Variants in TAMM41 observed in about 807,000 individuals in gnomAD.
TAMM41 encodes the protein phosphatidate cytidylyltransferase, mitochondrial.
A neutral mutation model predicts 44.1 loss-of-function variants in TAMM41; 36 were observed. The ratio of observed to expected loss-of-function variants is 0.82; its 90% confidence interval spans 0.63 to 1.08. TAMM41 has a LOEUF of 1.08. Among genes scored for constraint, TAMM41 ranks in the 50% least tolerant of loss-of-function variants. The pLI is 0.00. For synonymous variants in TAMM41, 164 were observed against 153.1 expected, an observed-to-expected ratio of 1.07 and a Z score of -0.53; for missense variants, 417 against 404.3, an observed-to-expected ratio of 1.03 and a Z score of -0.27.
At chr3:11,785,637 CAG>C (rs1239767320), downstream of TAMM41, among the ~76,000 whole-genome samples, 4 of 149,968 alleles carry the variant, frequency 2.7e-5, no homozygotes, top group Admixed American at 6.6e-5. Flanking sequence ...TTTTTTCAGT[CAG>C]AGTCTCGCTC....
At chr3:11,818,322 T>C (rs540325412) in intron 4 of TAMM41, among the ~76,000 whole-genome samples, 100 of 152,286 alleles carry the variant, frequency 6.6e-4, no homozygotes, top group African/African-American at 2.3e-3. Context: ...CTATAAATAA[T>C]CACACTACGA....
chr3:11,734,984 G>A, the TAMM41 span, among the ~76,000 whole-genome samples: 53 of 151,250 alleles, frequency 3.5e-4, no homozygotes, highest in African/African-American at 1.1e-3. Context: ...GGGAGGCGGA[G>A]CTTGCAGTGA....
chr3:11,756,721 T>C, the TAMM41 span, among the ~76,000 whole-genome samples: 1 of 151,976 alleles, frequency 6.6e-6, no homozygotes, highest in African/African-American at 2.4e-5. Flanking sequence ...CAAAATTAGC[T>C]GGGCGTGGTG....
At chr3:11,838,010 G>A (rs1381166142) in intron 3 of TAMM41, among the ~76,000 whole-genome samples, 2 of 152,128 alleles carry the variant, frequency 1.3e-5, no homozygotes, top group Admixed American at 6.5e-5. Flanking sequence ...AACTGAATTC[G>A]ATTCTGACCC....
intron 7 of TAMM41, among the ~76,000 whole-genome samples, chr3:11,795,749 C>T (rs2077589941): frequency 6.6e-6 from 1 of 152,162 alleles, no homozygotes; most frequent in South Asian, 2.1e-4. Flanking sequence ...CAGACAGTTC[C>T]CCTTCTCTCC....
the TAMM41 span, among the ~76,000 whole-genome samples, chr3:11,776,761 G>T: frequency 6.6e-6 from 1 of 152,238 alleles, no homozygotes; most frequent in Non-Finnish European, 1.5e-5. Flanking sequence ...ACTTTACGAT[G>T]AATTGATGGG....
At chr3:11,771,117 A>G in the TAMM41 span, 1 of 152,540 alleles carries the variant, frequency 6.6e-6, no homozygotes, top group Admixed American at 6.5e-5. Context: ...TCAGGCAGCA[A>G]CAGGCACGCC....
chr3:11,779,694 T>C, the TAMM41 span, among the ~76,000 whole-genome samples: 1 of 152,208 alleles, frequency 6.6e-6, no homozygotes, highest in Non-Finnish European at 1.5e-5. Flanking sequence ...TTCACTCCCA[T>C]GGTGTCTTTA....
At chr3:11,723,317 T>C in the TAMM41 span, among the ~76,000 whole-genome samples, 1 of 151,956 alleles carries the variant, frequency 6.6e-6, no homozygotes, top group East Asian at 1.9e-4. Context: ...CAGTGGCTTA[T>C]GCCTGTATTC....
chr3:11,809,325 T>C (rs2078016057), intron 6 of TAMM41, 192 bp downstream of exon 6: 1 of 612,000 alleles, frequency 1.6e-6, no homozygotes, highest in African/African-American at 1.9e-5. Context: ...ACAGAAGTAT[T>C]TTCACCATCT....
the TAMM41 span, among the ~76,000 whole-genome samples, chr3:11,765,012 C>A: frequency 6.6e-6 from 1 of 152,192 alleles, no homozygotes; most frequent in Non-Finnish European, 1.5e-5. Context: ...GCTGACCTCA[C>A]GATACAAACC....
chr3:11,803,412 A>G (rs888167829), intron 7 of TAMM41, among the ~76,000 whole-genome samples: 5 of 152,148 alleles, frequency 3.3e-5, no homozygotes, highest in African/African-American at 1.2e-4. Flanking sequence ...AAAAAACAAA[A>G]AACAGATGTT....
the TAMM41 span, among the ~76,000 whole-genome samples, chr3:11,761,275 A>T: frequency 3.0e-4 from 46 of 151,834 alleles, no homozygotes; most frequent in African/African-American, 1.1e-3. Flanking sequence ...TCTTATTATC[A>T]TTGATTTTCC....
At chr3:11,780,983 C>A in the TAMM41 span, among the ~76,000 whole-genome samples, 1 of 152,186 alleles carries the variant, frequency 6.6e-6, no homozygotes, top group Non-Finnish European at 1.5e-5. Context: ...TGTAAGCTTA[C>A]TGAGGCAGCA....
the TAMM41 span, among the ~76,000 whole-genome samples, chr3:11,728,345 T>C: frequency 6.6e-6 from 1 of 152,214 alleles, no homozygotes; most frequent in Non-Finnish European, 1.5e-5. Context: ...TAGTGGGTAC[T>C]CAGTTCAAAC....
chr3:11,773,289 A>G, the TAMM41 span, among the ~76,000 whole-genome samples: 1 of 150,010 alleles, frequency 6.7e-6, no homozygotes, highest in South Asian at 2.1e-4. Context: ...AAAGCCCCCA[A>G]GTATTGCTTA....
chr3:11,809,277 C>T (rs2078014501), intron 6 of TAMM41: 2 of 507,560 alleles, frequency 3.9e-6, no homozygotes, highest in Non-Finnish European at 3.4e-6. Flanking sequence ...AACATTGTTT[C>T]TCCCTTTGAC....
At chr3:11,754,898 C>T in the TAMM41 span, among the ~76,000 whole-genome samples, 2 of 151,836 alleles carry the variant, frequency 1.3e-5, no homozygotes, top group African/African-American at 4.8e-5. Context: ...CAGGGTTTCA[C>T]CATGTTGGCC....
the TAMM41 span, among the ~76,000 whole-genome samples, chr3:11,779,611 C>T: frequency 1.2e-4 from 18 of 151,164 alleles, no homozygotes; most frequent in Non-Finnish European, 7.4e-5. Flanking sequence ...TTGTTCTCTT[C>T]ATGCTGGTGT....
Sources: allele counts gnomAD v4.1 joint callset (sites outside exome capture counted in the v4.1 genomes callset), GRCh38; gene constraint gnomAD v4.1.1; transcripts MANE v1.5; gene names NCBI Gene and HGNC (gene_info 2026-07-23, HGNC 2026-07-21).